The following EXD3 variants were observed in gnomAD, a reference collection of about 807,000 sequenced individuals.
EXD3 encodes exonuclease 3'-5' domain containing 3.
A neutral mutation model predicts 98.0 loss-of-function variants in EXD3; 92 were observed. The ratio of observed to expected loss-of-function variants is 0.94; its 90% CI spans 0.79 to 1.12. EXD3 has a LOEUF of 1.12. Among genes scored for constraint, EXD3 ranks in the 50% most tolerant of loss-of-function variants. The probability of loss-of-function intolerance (pLI) is 0.00; values close to 1 mark genes in which losing one functional copy is unlikely to be tolerated. For synonymous variants in EXD3, 569 were observed against 526.0 expected (o/e 1.08, Z -1.12); for missense variants, 1,222 against 1,191.6 (o/e 1.03, Z -0.38).
intron 19 of EXD3, among the ~76,000 whole-genome samples, chr9:137,321,197 G>T (rs574360433): frequency 5.0e-4 from 76 of 152,364 alleles, no homozygotes; most frequent in African/African-American, 1.8e-3. Context: ...CTGAGGCTGT[G>T]GGGGCAGAAG....
At chr9:137,376,284 C>T (rs1459841252) in intron 3 of EXD3, among the ~76,000 whole-genome samples, 2 of 138,510 alleles carry the variant, frequency 1.4e-5, no homozygotes, top group Non-Finnish European at 3.0e-5. Context: ...GCGGAGCTTG[C>T]AGTGAGCCGA....
In EXD3 at chr9:137,378,226, T is replaced by C. The variant is rs139310082; in HGVS notation, c.121-4627A>G. ...TATTTATTTTTATTTATTTATTATT[T>C]GAGATGGAGTCTCACTCTGTCGTCC... On this transcript the variant is annotated intron_variant, in intron 3 of 21. Coordinates refer to ENST00000340951, the MANE Select transcript of EXD3 (RefSeq NM_017820.5). 2.6e-5 allele frequency among the ~76,000 whole-genome samples: 4 copies of C among 152,138 alleles called. No individual in the cohort carries two copies. In the East Asian group the frequency reaches 7.7e-4, roughly 29 times the overall value.
chr9:137,338,730 CAA>C (rs773079416), intron 17 of EXD3, among the ~76,000 whole-genome samples: 15 of 80,478 alleles, frequency 1.9e-4, no homozygotes, highest in Admixed American at 4.0e-4. Flanking sequence ...ACTAAAAATA[CAA>C]AAAAAAAAAA....
At chr9:137,381,648 A>T (rs1836276794) in intron 3 of EXD3, among the ~76,000 whole-genome samples, 1 of 152,056 alleles carries the variant, frequency 6.6e-6, no homozygotes, top group Admixed American at 6.5e-5. Context: ...GCCCTCCCAG[A>T]CGGCCAACAG....
intron 3 of EXD3, chr9:137,374,841 G>T: frequency 1.0e-6 from 1 of 985,504 alleles, no homozygotes; most frequent in Non-Finnish European, 1.2e-6. Context: ...ACTTGAAGGA[G>T]CTCCAGGAAC....
chr9:137,349,339 G>A lies in EXD3; in HGVS notation c.1657+30C>T, dbSNP rs1438799074. 1 of 1,556,102 alleles carries A rather than the reference G, an allele frequency of 6.4e-7. No individual in the cohort carries two copies. Among genetic ancestry groups the A allele is most frequent in the African/African-American group, 1.4e-5 (1 of 73,932 alleles). Reference sequence around the variant, plus strand: ...ACAGAGGGCGGGAGGGGCGTGAGGAGGGGTCACTCCCACCCGCCGCACCGC... The same window carrying A: ...ACAGAGGGCGGGAGGGGCGTGAGGAAGGGTCACTCCCACCCGCCGCACCGC... On this transcript the variant is annotated intron_variant, in intron 15 of 21. Transcript: ENST00000340951. This position sits in a 1 kb window ranked among gnomAD's most constrained non-coding sequence, Gnocchi z 7.4.
chr9:137,376,205 A>C (rs543485137), intron 3 of EXD3, among the ~76,000 whole-genome samples: 5 of 151,910 alleles, frequency 3.3e-5, no homozygotes, highest in African/African-American at 4.8e-5. Context: ...TTAGCCGGGC[A>C]TGGTGGCGGG....
chr9:137,327,909 A>T (rs1038036116), intron 17 of EXD3, among the ~76,000 whole-genome samples: 1 of 146,736 alleles, frequency 6.8e-6, no homozygotes, highest in African/African-American at 2.5e-5. Context: ...ATGAGTAAAA[A>T]CAACTAATAT....
chr9:137,383,329 G>A lies in EXD3; in HGVS notation c.104C>T (p.Thr35Met), dbSNP rs999103043. ...TCCACTCACCTGCTTCCGCTCCCGC[G>A]TGGACCACAGGGTCTGCAGGGCCTG... Reference protein sequence around the residue: ...LLQALQTLWSTRERKQLREEA... With the variant: ...LLQALQTLWSMRERKQLREEA... The change falls in exon 3 of 22, where the codon ACG (threonine) becomes ATG (methionine). Residue 35 changes from threonine to methionine, a missense_variant. By Grantham distance (81) the Thr-to-Met change is moderately conservative. Coordinates refer to ENST00000340951, the MANE Select transcript of EXD3 (RefSeq NM_017820.5). 4.2e-5 allele frequency: 65 copies of A among 1,550,216 alleles called. No individual in the cohort carries two copies. The highest frequency in any genetic ancestry group is 5.1e-5 in the Non-Finnish European group (58 of 1,146,840).
At chr9:137,375,016 GT>G (rs137895950) in intron 3 of EXD3, 197 of 264,880 alleles carry the variant, frequency 7.4e-4, no homozygotes, top group Non-Finnish European at 1.0e-3. Flanking sequence ...CCCTAGTTTT[GT>G]TTTTTTTTTG....
chr9:137,325,661 G>C (rs1199068067), intron 17 of EXD3, among the ~76,000 whole-genome samples: 1 of 152,116 alleles, frequency 6.6e-6, no homozygotes, highest in African/African-American at 2.4e-5. Flanking sequence ...TCAAACTCCT[G>C]ACCTCAGGTG....
intron 2 of EXD3, among the ~76,000 whole-genome samples, chr9:137,390,119 CAAAA>C (rs34716316): frequency 7.3e-4 from 17 of 23,376 alleles, no homozygotes; most frequent in African/African-American, 1.8e-3. Context: ...GAGACTCTGT[CAAAA>C]AAAAAAAAAA....
At position 137,349,154 on chromosome 9, in the gene EXD3, G is replaced by T; in HGVS notation, c.1786C>A (p.Pro596Thr). Residue 596 changes from proline to threonine, a missense_variant, in exon 16 of 22, where the codon CCA (proline) becomes ACA (threonine). Transcript: ENST00000340951. This position sits in a 1 kb window ranked among gnomAD's most constrained non-coding sequence, Gnocchi z 7.4. ...RHRERPGARKPPGLQKASAPA... is the reference protein window; with the variant it reads ...RHRERPGARKTPGLQKASAPA... ...GCTGACGCTTTCTGCAGGCCGGGTG[G>T]CTTCCGTGCCCCTGGTCTCTCTCTG... 1 of 1,597,344 alleles carries T rather than the reference G, an allele frequency of 6.3e-7. No individual in the cohort carries two copies. The highest frequency in any genetic ancestry group is 1.3e-5 in the African/African-American group (1 of 74,958).
intron 19 of EXD3, among the ~76,000 whole-genome samples, chr9:137,314,082 C>A (rs1488092503): frequency 6.6e-6 from 1 of 152,146 alleles, no homozygotes; most frequent in Non-Finnish European, 1.5e-5. Context: ...TCTGACCTCC[C>A]CTAGAGCCGC....
intron 17 of EXD3, among the ~76,000 whole-genome samples, chr9:137,341,558 G>A (rs1160742860): frequency 1.4e-5 from 2 of 144,308 alleles, no homozygotes; most frequent in African/African-American, 5.1e-5. Flanking sequence ...GGCACCAGGA[G>A]CCATCTCCCA....
At chr9:137,366,377 C>T in intron 7 of EXD3, 116 bp downstream of exon 7, 1 of 1,436,816 alleles carries the variant, frequency 7.0e-7, no homozygotes, top group East Asian at 2.5e-5. Context: ...ACCCAAACAC[C>T]AGAACTTCCT....
chr9:137,348,141 C>T lies in EXD3; in HGVS notation c.1928G>A (p.Arg643Gln), dbSNP rs376214483. 118 of 1,612,264 alleles carry T rather than the reference C, an allele frequency of 7.3e-5. No individual in the cohort carries two copies. The highest frequency in any genetic ancestry group is 1.2e-4 in the South Asian group (11 of 91,018). The change falls in exon 17 of 22, where the codon CGG (arginine) becomes CAG (glutamine). Residue 643 changes from arginine to glutamine, a missense_variant. Physicochemically the swap from Arg to Gln is conservative, Grantham distance 43. Coordinates refer to ENST00000340951, the MANE Select transcript of EXD3 (RefSeq NM_017820.5). ...VCDNMLQGLARSLRCLGVDAR... is the reference protein window; with the variant it reads ...VCDNMLQGLAQSLRCLGVDAR... Reference sequence around the variant, plus strand: ...ATCCACACCGAGACAGCGGAGGCTCCGTGCCAGCCCCTGCAGCATGTTGTC... The same window carrying T: ...ATCCACACCGAGACAGCGGAGGCTCTGTGCCAGCCCCTGCAGCATGTTGTC...
At chr9:137,418,616 CTG>C (rs1838354800) in intron 1 of EXD3, among the ~76,000 whole-genome samples, 1 of 152,132 alleles carries the variant, frequency 6.6e-6, no homozygotes, top group African/African-American at 2.4e-5. Flanking sequence ...GAAGTTAACA[CTG>C]TAATTAATAT....
intron 1 of EXD3, among the ~76,000 whole-genome samples, chr9:137,402,985 G>A (rs554802564): frequency 2.4e-4 from 36 of 152,222 alleles, no homozygotes; most frequent in African/African-American, 7.0e-4. Flanking sequence ...ACCGGCCCCA[G>A]GATTCAATTA....
Sources: gnomAD v4.1 joint callset for allele counts (sites outside exome capture counted in the v4.1 genomes callset) on GRCh38, gnomAD v4.1.1 for gene constraint, Gnocchi (gnomAD v3.1) non-coding constraint, MANE v1.5 for transcripts, NCBI Gene and HGNC (gene_info 2026-07-23, HGNC 2026-07-21) for gene names.